IGFBP2: variants seen among roughly 807,000 people sequenced by gnomAD.
IGFBP2 encodes insulin-like growth factor-binding protein 2.
In IGFBP2, 12 loss-of-function variants were observed where a neutral mutation model predicts 26.2. The ratio of observed to expected loss-of-function variants is 0.46; its 90% CI spans 0.29 to 0.74. IGFBP2 has a LOEUF of 0.74. Ranked by LOEUF, IGFBP2 falls within the 30% of genes least tolerant of loss-of-function variation. The pLI, the probability that IGFBP2 is intolerant of heterozygous loss-of-function variation, is 0.09. For missense variants in IGFBP2, 328 were observed against 441.2 expected, an observed-to-expected ratio of 0.74 and a Z score of 2.30; for synonymous variants, 189 against 200.6, an observed-to-expected ratio of 0.94 and a Z score of 0.49.
intron 1 of IGFBP2, among the ~76,000 whole-genome samples, chr2:216,640,706 G>A (rs1372633190): frequency 6.6e-6 from 1 of 152,336 alleles, no homozygotes; most frequent in South Asian, 2.1e-4. Context: ...CTCCGTGGCC[G>A]GGTAAGGAGT....
Position 216,652,227 on chromosome 2 carries a change from G to A in IGFBP2, c.443-8330G>A, listed in dbSNP as rs9341168. On this transcript the variant is annotated intron_variant, in intron 1 of 3. Coordinates refer to ENST00000233809, the MANE Select transcript of IGFBP2 (RefSeq NM_000597.3). ...TTGCTCTTGTTGCCCAGGCTGGAGC[G>A]CAATGGCGCGATCTTGGCTCACTGC... 4.1e-3 allele frequency among the ~76,000 whole-genome samples: 612 copies of A among 148,858 alleles called. 6 individuals are homozygous for A. Among genetic ancestry groups the A allele is most frequent in the African/African-American group, 0.014 (564 of 40,190 alleles).
At chr2:216,639,224 A>G (rs1196894850) in intron 1 of IGFBP2, among the ~76,000 whole-genome samples, 1 of 151,952 alleles carries the variant, frequency 6.6e-6, no homozygotes, top group African/African-American at 2.4e-5. Context: ...TAGTAGAGGC[A>G]GGGTTTTACC....
intron 1 of IGFBP2, among the ~76,000 whole-genome samples, chr2:216,637,200 C>T (rs375864343): frequency 6.6e-6 from 1 of 152,190 alleles, no homozygotes; most frequent in African/African-American, 2.4e-5. Flanking sequence ...CTTCCACCTC[C>T]CCTCCCCCCA....
At chr2:216,651,713 C>T (rs984782937) in intron 1 of IGFBP2, among the ~76,000 whole-genome samples, 1 of 152,230 alleles carries the variant, frequency 6.6e-6, no homozygotes, top group Non-Finnish European at 1.5e-5. Flanking sequence ...CCTCACATGG[C>T]AGATATAACT....
At chr2:216,645,379 G>A (rs951382265) in intron 1 of IGFBP2, among the ~76,000 whole-genome samples, 1 of 152,322 alleles carries the variant, frequency 6.6e-6, no homozygotes, top group South Asian at 2.1e-4. Flanking sequence ...GGGCTAAAAG[G>A]TCTTGCTTGA....
chr2:216,657,997 C>T (rs1251785886), intron 1 of IGFBP2, among the ~76,000 whole-genome samples: 1 of 151,784 alleles, frequency 6.6e-6, no homozygotes, highest in African/African-American at 2.4e-5. Flanking sequence ...TTTTTGATGT[C>T]CCAAGATCAT....
At chr2:216,659,956 G>A (rs527432336) in intron 1 of IGFBP2, among the ~76,000 whole-genome samples, 3 of 152,314 alleles carry the variant, frequency 2.0e-5, no homozygotes, top group East Asian at 1.9e-4. Flanking sequence ...CTGGGACCAG[G>A]TTCTGGGTGG....
rs541785576 is a variant in IGFBP2, at chr2:216,659,767, C to T, written c.443-790C>T. 626 of 1,530,450 alleles carry T rather than the reference C, an allele frequency of 4.1e-4. 1 individual carries two copies. Among genetic ancestry groups the T allele is most frequent in the Non-Finnish European group, 5.3e-4 (600 of 1,141,806 alleles). The allele number at this position is 1,530,450 out of a possible 1,614,324, so 94.8% of individuals were successfully genotyped here. Reference sequence around the variant, plus strand: ...CTGCAGTAAGCTGAAGCTATGAAGTCGAAGGAGTCATAGTTCCTGTTCTTG... The same window carrying T: ...CTGCAGTAAGCTGAAGCTATGAAGTTGAAGGAGTCATAGTTCCTGTTCTTG... On this transcript the variant is annotated intron_variant, in intron 1 of 3. Coordinates refer to ENST00000233809, the MANE Select transcript of IGFBP2 (RefSeq NM_000597.3).
intron 3 of IGFBP2, chr2:216,663,640 T>TGAG (rs9341216): frequency 3.3e-6 from 1 of 305,744 alleles, no homozygotes; most frequent in Non-Finnish European, 6.2e-6. Context: ...GGCTGGGGAC[T>TGAG]GAGTCTTTTC....
intron 1 of IGFBP2, among the ~76,000 whole-genome samples, chr2:216,650,268 G>C (rs1467513725): frequency 6.6e-6 from 1 of 152,138 alleles, no homozygotes; most frequent in Non-Finnish European, 1.5e-5. Flanking sequence ...CTTCTGACTG[G>C]GTCTAATTCC....
Position 216,660,693 on chromosome 2 carries a change from G to C in IGFBP2, c.579G>C (p.Glu193Asp). The part of the protein sequence containing the change: ...SGMKELAVFR[E>D]KVTEQHRQMG... Reference sequence around the variant, plus strand: ...TGAAGGAGCTGGCCGTGTTCCGGGAGAAGGTCACTGAGCAGCACCGGCAGA... The same window carrying C: ...TGAAGGAGCTGGCCGTGTTCCGGGACAAGGTCACTGAGCAGCACCGGCAGA... Residue 193 changes from glutamate to aspartate, a missense_variant, in exon 2 of 4, where the codon GAG becomes GAC. Coordinates refer to ENST00000233809, the MANE Select transcript of IGFBP2 (RefSeq NM_000597.3). 4.3e-6 allele frequency: 7 copies of C among 1,614,082 alleles called. No homozygotes were observed. The highest frequency in any genetic ancestry group is 5.1e-6 in the Non-Finnish European group (6 of 1,180,016).
rs1688661677 is a variant in IGFBP2, at chr2:216,661,976, A to G, written c.791A>G (p.His264Arg). Reference sequence around the variant, plus strand: ...CTGCACATCCCCAACTGTGACAAGCATGGCCTGTACAACCTCAAACAGGTG... The same window carrying G: ...CTGCACATCCCCAACTGTGACAAGCGTGGCCTGTACAACCTCAAACAGGTG... ...YSLHIPNCDKHGLYNLKQCKM... is the reference protein window; with the variant it reads ...YSLHIPNCDKRGLYNLKQCKM... The change falls in exon 3 of 4, where the codon CAT (histidine) becomes CGT (arginine). Residue 264 changes from histidine (H) to arginine (R), a missense_variant. His to Arg is a conservative substitution (Grantham distance 29). Coordinates refer to ENST00000233809, the MANE Select transcript of IGFBP2 (RefSeq NM_000597.3). 1 of 1,614,068 alleles carries G rather than the reference A, an allele frequency of 6.2e-7. No homozygotes were observed. Among genetic ancestry groups the G allele is most frequent in the African/African-American group, 1.3e-5 (1 of 74,926 alleles).
intron 1 of IGFBP2, among the ~76,000 whole-genome samples, chr2:216,655,060 G>A (rs562570576): frequency 8.0e-4 from 121 of 151,996 alleles, no homozygotes; most frequent in African/African-American, 2.2e-3. Flanking sequence ...ATTATTTTTC[G>A]TTTTTGAGAC....
Position 216,664,002 on chromosome 2 carries a change from G to T in IGFBP2, c.876G>T (p.Lys292Asn). 1 of 1,614,168 alleles carries T rather than the reference G, an allele frequency of 6.2e-7. No homozygotes were observed. Among genetic ancestry groups the T allele is most frequent in the Non-Finnish European group, 8.5e-7 (1 of 1,180,018 alleles). ...GGTGTGTGAACCCCAACACCGGGAA[G>T]CTGATCCAGGGAGCCCCCACCATCC... ...ECWCVNPNTG[K>N]LIQGAPTIRG... Residue 292 changes from lysine to asparagine, a missense_variant, in exon 4 of 4, where the codon AAG becomes AAT. Physicochemically the swap from Lys to Asn is moderately conservative, Grantham distance 94. Coordinates refer to ENST00000233809, the MANE Select transcript of IGFBP2 (RefSeq NM_000597.3). This position sits in a 1 kb window ranked among gnomAD's most constrained non-coding sequence, Gnocchi z 4.6.
At chr2:216,649,035 CTTAG>C (rs1309505419) in intron 1 of IGFBP2, among the ~76,000 whole-genome samples, 2 of 152,176 alleles carry the variant, frequency 1.3e-5, no homozygotes, top group Non-Finnish European at 2.9e-5. Context: ...GCAGTACTTA[CTTAG>C]TGTTTATCTT....
chr2:216,657,516 G>T (rs575427962), intron 1 of IGFBP2, among the ~76,000 whole-genome samples: 1 of 152,020 alleles, frequency 6.6e-6, no homozygotes, highest in Non-Finnish European at 1.5e-5. Flanking sequence ...GAAATCTGCC[G>T]CACGGTGGGG....
intron 1 of IGFBP2, among the ~76,000 whole-genome samples, chr2:216,650,580 C>T (rs1274621523): frequency 6.6e-6 from 1 of 152,210 alleles, no homozygotes; most frequent in East Asian, 1.9e-4. Context: ...TAGCCTGTGC[C>T]TGTTGGGCTT....
chr2:216,655,266 C>A (rs549792259), intron 1 of IGFBP2, among the ~76,000 whole-genome samples: 158 of 152,130 alleles, frequency 1.0e-3, no homozygotes, highest in African/African-American at 3.5e-3. Flanking sequence ...GTGTCGCCAC[C>A]CAAATGTCAT....
intron 1 of IGFBP2, among the ~76,000 whole-genome samples, chr2:216,655,260 C>T (rs1222649028): frequency 6.6e-6 from 1 of 152,038 alleles, no homozygotes. Flanking sequence ...GGCTTTGTGT[C>T]GCCACCCAAA....
Sources: gnomAD v4.1 joint callset for allele counts (sites outside exome capture counted in the v4.1 genomes callset) on GRCh38, gnomAD v4.1.1 for gene constraint, Gnocchi (gnomAD v3.1) non-coding constraint, MANE v1.5 for transcripts, NCBI Gene and HGNC (gene_info 2026-07-23, HGNC 2026-07-21) for gene names.